DIP2C: variants seen among roughly 807,000 people sequenced by gnomAD.
DIP2C encodes the protein DIP2 acetate--CoA ligase C (putative).
In DIP2C, 33 loss-of-function variants were observed where a neutral mutation model predicts 192.4. That is an observed-to-expected ratio of 0.17 (90% CI 0.13 to 0.23). The LOEUF (loss-of-function observed/expected upper bound fraction) is 0.23. DIP2C is among the 10% of genes least tolerant of loss of function. The pLI, the probability that DIP2C is intolerant of heterozygous loss-of-function variation, is 1.00. For synonymous variants in DIP2C, 979 were observed against 864.1 expected (o/e 1.13, Z -2.33); for missense variants, 1,537 against 2,110.1 (o/e 0.73, Z 5.32).
chr10:486,822 C>T (rs1482407138), intron 1 of DIP2C, among the ~76,000 whole-genome samples: 2 of 152,190 alleles, frequency 1.3e-5, no homozygotes, highest in Non-Finnish European at 2.9e-5. Context: ...CATCCCCACC[C>T]GCTGGCACAG....
At chr10:349,515 G>C in intron 24 of DIP2C, 61 bp from the exon 25 acceptor site, 1 of 1,563,934 alleles carries the variant, frequency 6.4e-7, no homozygotes, top group South Asian at 1.1e-5. Context: ...CTTGCAGAGA[G>C]CGCGCACGCG....
intron 3 of DIP2C, among the ~76,000 whole-genome samples, chr10:457,426 C>G (rs1314122824): frequency 6.6e-6 from 1 of 152,216 alleles, no homozygotes; most frequent in East Asian, 1.9e-4. Flanking sequence ...TACAACAGCC[C>G]CCTAACCTGT....
chr10:368,454 T>G (rs546065263), intron 18 of DIP2C, among the ~76,000 whole-genome samples: 3 of 152,206 alleles, frequency 2.0e-5, no homozygotes. Flanking sequence ...GCTAGAGGGC[T>G]GCAGGCAGAG....
intron 1 of DIP2C, among the ~76,000 whole-genome samples, chr10:560,604 A>T (rs1849158633): frequency 6.6e-6 from 1 of 152,242 alleles, no homozygotes; most frequent in Admixed American, 6.5e-5. Context: ...AATAATTAAC[A>T]TACTTGAAAA....
At chr10:478,917 G>C (rs1843381967) in intron 2 of DIP2C, among the ~76,000 whole-genome samples, 1 of 152,118 alleles carries the variant, frequency 6.6e-6, no homozygotes, top group Admixed American at 6.6e-5. Context: ...TAGGGAGGGA[G>C]GAGGAGAGGA....
chr10:298,891 C>T (rs1323356673), intron 32 of DIP2C, among the ~76,000 whole-genome samples: 1 of 152,252 alleles, frequency 6.6e-6, no homozygotes, highest in African/African-American at 2.4e-5. Context: ...GTTTCCGTCA[C>T]TTTCCACCAT....
chr10:639,906 G>C (rs1247385947), intron 1 of DIP2C, among the ~76,000 whole-genome samples: 1 of 151,884 alleles, frequency 6.6e-6, no homozygotes, highest in East Asian at 1.9e-4. Context: ...TCCCTCCCCC[G>C]CCCGGCCTGT....
intron 1 of DIP2C, among the ~76,000 whole-genome samples, chr10:684,240 A>T (rs1232112676): frequency 6.6e-6 from 1 of 152,240 alleles, no homozygotes; most frequent in African/African-American, 2.4e-5. Flanking sequence ...AATGTTTTCA[A>T]TGCATCTTGC....
intron 24 of DIP2C, among the ~76,000 whole-genome samples, chr10:352,306 CTG>C (rs1958856414): frequency 6.6e-6 from 1 of 152,260 alleles, no homozygotes; most frequent in Admixed American, 6.5e-5. Flanking sequence ...AAATCCCCAC[CTG>C]TAGGTACTTG....
intron 1 of DIP2C, among the ~76,000 whole-genome samples, chr10:555,739 A>G (rs1322464828): frequency 6.6e-6 from 1 of 152,118 alleles, no homozygotes; most frequent in East Asian, 1.9e-4. Context: ...CTATGAAAAG[A>G]ATCTATAGAG....
chr10:658,408 G>T lies in DIP2C; in HGVS notation c.85+31086C>A, dbSNP rs377718776. On this transcript the variant is annotated intron_variant, in intron 1 of 36. Transcript: ENST00000280886. Reference sequence around the variant, plus strand: ...GGACCTGACCCTGGACCTGCCGCTGGGTCTGCTACTGGACTGCTAACAAAT... The same window carrying T: ...GGACCTGACCCTGGACCTGCCGCTGTGTCTGCTACTGGACTGCTAACAAAT... Among the ~76,000 whole-genome samples the T allele has an allele frequency of 2.0e-3, 299 of 152,334 alleles. 2 individuals carry two copies. Among genetic ancestry groups the T allele is most frequent in the African/African-American group, 6.9e-3 (285 of 41,580 alleles).
intron 1 of DIP2C, among the ~76,000 whole-genome samples, chr10:513,469 C>T (rs1416721027): frequency 2.0e-5 from 3 of 152,168 alleles, no homozygotes; most frequent in Non-Finnish European, 4.4e-5. Flanking sequence ...CACTGCGGCC[C>T]GCGCCTCTCC....
chr10:479,630 G>A (rs749839603), intron 2 of DIP2C, among the ~76,000 whole-genome samples: 20 of 152,036 alleles, frequency 1.3e-4, no homozygotes, highest in Admixed American at 2.0e-4. Context: ...CAATGCGCCC[G>A]TCCCCACACT....
chr10:530,802 C>T (rs1043170004), intron 1 of DIP2C, among the ~76,000 whole-genome samples: 5 of 152,116 alleles, frequency 3.3e-5, no homozygotes, highest in African/African-American at 7.2e-5. Flanking sequence ...GAAATGCAAG[C>T]GGCATCACAG....
chr10:689,396 C>A lies in DIP2C; in HGVS notation c.85+98G>T. ...TGGGGTCGCACCTCCCCCTCCGGGC[C>A]CGGCCCCCGCCCCGCCGCAGGCCCC... On this transcript the variant is annotated intron_variant, in intron 1 of 36. Coordinates refer to ENST00000280886, the MANE Select transcript of DIP2C (RefSeq NM_014974.3). The surrounding 1 kb of genome is among the most constrained non-coding windows in gnomAD (Gnocchi z 6.1). The A allele has an allele frequency of 1.4e-6, 1 of 718,356 alleles. No homozygotes were observed. The highest frequency in any genetic ancestry group is 1.7e-6 in the Non-Finnish European group (1 of 583,594). The allele number at this position is 718,356 out of a possible 1,614,324, so 44.5% of individuals were successfully genotyped here.
At chr10:493,530 TAGA>T (rs146575353) in intron 1 of DIP2C, among the ~76,000 whole-genome samples, 1,595 of 152,258 alleles carry the variant, frequency 0.01, 30 homozygotes, top group African/African-American at 0.036. Context: ...AGCTGACGTG[TAGA>T]AGAATACCCA....
intron 1 of DIP2C, among the ~76,000 whole-genome samples, chr10:499,888 G>A (rs963009636): frequency 6.6e-6 from 1 of 152,218 alleles, no homozygotes; most frequent in African/African-American, 2.4e-5. Flanking sequence ...GCATGGATAT[G>A]CCAGCCCCTC....
intron 35 of DIP2C, among the ~76,000 whole-genome samples, chr10:282,438 TAGGTATGTTAGAG>T (rs1954879406): frequency 6.6e-6 from 1 of 152,172 alleles, no homozygotes; most frequent in Admixed American, 6.5e-5. Flanking sequence ...CAGGCCATTG[TAGGTATGTTAGAG>T]AGGTATGTAA....
intron 4 of DIP2C, among the ~76,000 whole-genome samples, chr10:429,196 C>G (rs1966779955): frequency 6.7e-6 from 1 of 150,366 alleles, no homozygotes; most frequent in African/African-American, 2.5e-5. Flanking sequence ...TTTGCCTATT[C>G]ATCCCTGCCT....
Sources: allele counts gnomAD v4.1 joint callset (sites outside exome capture counted in the v4.1 genomes callset), GRCh38; gene constraint gnomAD v4.1.1; non-coding constraint Gnocchi (gnomAD v3.1); transcripts MANE v1.5; gene names NCBI Gene and HGNC (gene_info 2026-07-23, HGNC 2026-07-21).